Variants in AXDND1 observed in about 807,000 individuals in gnomAD.
AXDND1 encodes the protein axonemal dynein light chain domain-containing protein 1.
A neutral mutation model predicts 137.5 loss-of-function variants in AXDND1; 110 were observed. The observed-to-expected ratio is 0.80, with a 90% CI of 0.69 to 0.94. The LOEUF (loss-of-function observed/expected upper bound fraction) is 0.94, where lower values mean the gene tolerates loss of function less well. Among genes scored for constraint, AXDND1 ranks in the 40% least tolerant of loss-of-function variants. The probability of loss-of-function intolerance (pLI) is 0.00; values close to 1 mark genes in which losing one functional copy is unlikely to be tolerated. For missense variants in AXDND1, 1,191 were observed against 1,169.8 expected, an observed-to-expected ratio of 1.02 and a Z score of -0.26; for synonymous variants, 414 against 399.7, an observed-to-expected ratio of 1.04 and a Z score of -0.43.
intron 21 of AXDND1, among the ~76,000 whole-genome samples, chr1:179,509,932 T>G (rs777917102): frequency 2.0e-5 from 3 of 152,186 alleles, no homozygotes; most frequent in Non-Finnish European, 4.4e-5. Flanking sequence ...TTCCATTCCA[T>G]CATAATCAAT....
At chr1:179,502,996 G>A (rs1272963210) in intron 20 of AXDND1, among the ~76,000 whole-genome samples, 2 of 151,852 alleles carry the variant, frequency 1.3e-5, no homozygotes, top group Non-Finnish European at 2.9e-5. Context: ...TCAGGAGGCT[G>A]AGGCAGGAGA....
At position 179,382,720 on chromosome 1, in the gene AXDND1, CAGAT is replaced by C; in HGVS notation, c.605_608del (p.Asp202ValfsTer11). ...TGTAGCAAATACACTACTCTCCTCA[CAGAT>C]AGTGAAAACAGGCTATTGCTCTTCC... On this transcript the variant is annotated frameshift_variant, in exon 7 of 26. Coordinates refer to ENST00000367618, the MANE Select transcript of AXDND1 (RefSeq NM_144696.6). LOFTEE classifies it high-confidence loss of function. 1.2e-6 allele frequency: 2 copies of C among 1,604,002 alleles called. No homozygotes were observed. The highest frequency in any genetic ancestry group is 1.7e-6 in the Non-Finnish European group (2 of 1,171,202).
chr1:179,553,428 G>C (rs1046093287), intron 25 of AXDND1, among the ~76,000 whole-genome samples: 1 of 152,208 alleles, frequency 6.6e-6, no homozygotes, highest in African/African-American at 2.4e-5. Flanking sequence ...ATCATAAAAA[G>C]TAATGAAGTA....
chr1:179,472,706 A>C (rs1211508668), intron 17 of AXDND1, among the ~76,000 whole-genome samples: 1 of 152,130 alleles, frequency 6.6e-6, no homozygotes, highest in African/African-American at 2.4e-5. Context: ...TATAATTGTT[A>C]TATCTTCCTG....
In AXDND1 at chr1:179,395,904, C is replaced by T. The variant is rs548827036; in HGVS notation, c.1109+702C>T. ...GAGATTTAGGCCAGGCATGGTGGTT[C>T]ACGCCTGTAATCCCAGCACTTTGGG... On this transcript the variant is annotated intron_variant, in intron 11 of 25. Coordinates refer to ENST00000367618, the MANE Select transcript of AXDND1 (RefSeq NM_144696.6). Among the ~76,000 whole-genome samples the T allele has an allele frequency of 5.9e-5, 9 of 152,242 alleles. No homozygotes were observed. In the South Asian group the frequency reaches 1.7e-3, roughly 28 times the overall value.
At chr1:179,425,665 T>A (rs908628371) in intron 12 of AXDND1, among the ~76,000 whole-genome samples, 1 of 151,808 alleles carries the variant, frequency 6.6e-6, no homozygotes, top group Admixed American at 6.6e-5. Flanking sequence ...GTAAAAACCA[T>A]GAGTTTGGGG....
intron 21 of AXDND1, among the ~76,000 whole-genome samples, chr1:179,522,868 A>C (rs1670193740): frequency 9.2e-6 from 1 of 109,146 alleles, no homozygotes; most frequent in Non-Finnish European, 2.2e-5. Flanking sequence ...TATACTGTAC[A>C]CATATTTCTA....
intron 16 of AXDND1, among the ~76,000 whole-genome samples, chr1:179,458,042 T>G (rs1571917649): frequency 1.3e-5 from 2 of 151,134 alleles, no homozygotes; most frequent in East Asian, 3.9e-4. Flanking sequence ...GAGGCCTGAG[T>G]GTAGTGGTAT....
intron 25 of AXDND1, among the ~76,000 whole-genome samples, chr1:179,553,221 C>CG (rs1673578283): frequency 6.6e-6 from 1 of 152,206 alleles, no homozygotes; most frequent in Non-Finnish European, 1.5e-5. Flanking sequence ...AAGTTAAATA[C>CG]GGAGTTACCA....
intron 25 of AXDND1, among the ~76,000 whole-genome samples, chr1:179,539,780 G>A (rs901083410): frequency 3.9e-5 from 6 of 152,134 alleles, no homozygotes; most frequent in African/African-American, 1.4e-4. Context: ...ATCCTGAAGA[G>A]TGTTTTCTAA....
chr1:179,423,573 C>T (rs948352200), intron 12 of AXDND1, among the ~76,000 whole-genome samples: 1 of 151,440 alleles, frequency 6.6e-6, no homozygotes, highest in Admixed American at 6.6e-5. Flanking sequence ...TAATTTGTTG[C>T]CTTTTTTTAA....
chr1:179,376,500 T>C (rs4625242), intron 4 of AXDND1, among the ~76,000 whole-genome samples: 132,620 of 152,212 alleles, frequency 0.87, 57,852 homozygotes, highest in East Asian at 0.9. Flanking sequence ...ATTTTCAGTT[T>C]GCCGAAGTCA....
intron 11 of AXDND1, among the ~76,000 whole-genome samples, chr1:179,398,285 C>A (rs547409744): frequency 6.6e-6 from 1 of 152,138 alleles, no homozygotes. Flanking sequence ...ACTCCTGGAC[C>A]GTGTACTCCA....
chr1:179,537,333 G>T (rs1005483935), intron 25 of AXDND1, among the ~76,000 whole-genome samples: 3 of 152,102 alleles, frequency 2.0e-5, no homozygotes, highest in African/African-American at 7.2e-5. Flanking sequence ...ATTGGCTGTG[G>T]GTTTGTCATA....
At chr1:179,432,561 G>A (rs2125317647) in intron 15 of AXDND1, among the ~76,000 whole-genome samples, 1 of 152,210 alleles carries the variant, frequency 6.6e-6, no homozygotes, top group East Asian at 1.9e-4. Context: ...AAGTAGCTAG[G>A]ATTACAGGCA....
At chr1:179,413,605 T>G (rs1455413503) in intron 12 of AXDND1, among the ~76,000 whole-genome samples, 1 of 152,258 alleles carries the variant, frequency 6.6e-6, no homozygotes, top group African/African-American at 2.4e-5. Context: ...TGCATAATAT[T>G]CCATGGTATA....
chr1:179,376,563 C>T (rs997403530), intron 4 of AXDND1, among the ~76,000 whole-genome samples: 3 of 152,178 alleles, frequency 2.0e-5, no homozygotes, highest in Admixed American at 1.3e-4. Context: ...CTACACTTTT[C>T]GGTTGCTTAC....
At chr1:179,455,063 T>G (rs1661104832) in intron 16 of AXDND1, 1 of 144,586 alleles carries the variant, frequency 6.9e-6, no homozygotes, top group Non-Finnish European at 1.5e-5. Flanking sequence ...GCCACTGCAC[T>G]CCCGCCTGGG....
rs1163391000 is a variant in AXDND1 at position 179,488,691 on chromosome 1, C to CT, written c.2092-2844dup. Among the ~76,000 whole-genome samples, 65 of 115,734 alleles carry CT rather than the reference C, an allele frequency of 5.6e-4. 8 individuals are homozygous for CT. The highest frequency in any genetic ancestry group is 2.3e-3 in the African/African-American group (62 of 26,816). 75.9% of individuals were successfully genotyped at this position (115,734 alleles called of 152,430 possible). On this transcript the variant is annotated intron_variant, in intron 18 of 25. Transcript: ENST00000367618. ...TCTTTCTTTCTTTCTTTCTTTCTTT[C>CT]TTTCTTTCCTCTCTCTGTCTCTCTC... is the stretch of plus-strand genomic sequence containing the variant.
Sources: gnomAD v4.1 joint callset for allele counts (sites outside exome capture counted in the v4.1 genomes callset) on GRCh38, gnomAD v4.1.1 for gene constraint, MANE v1.5 for transcripts, NCBI Gene and HGNC (gene_info 2026-07-23, HGNC 2026-07-21) for gene names.